ZNF536: variants seen among roughly 807,000 people sequenced by gnomAD.
ZNF536 encodes zinc finger protein 536.
In ZNF536, 13 loss-of-function variants were observed where a neutral mutation model predicts 84.5. The observed-to-expected ratio is 0.15, with a 90% CI of 0.10 to 0.24. The LOEUF (loss-of-function observed/expected upper bound fraction) is 0.24. ZNF536 is among the 10% of genes least tolerant of loss of function. The pLI, the probability that ZNF536 is intolerant of heterozygous loss-of-function variation, is 1.00. For synonymous variants in ZNF536, 811 were observed against 742.5 expected (o/e 1.09, Z -1.50); for missense variants, 1,536 against 1,747.5 (o/e 0.88, Z 2.16).
At chr19:30,438,404 C>T (rs1052791241) in intron 1 of ZNF536, among the ~76,000 whole-genome samples, 5 of 152,228 alleles carry the variant, frequency 3.3e-5, no homozygotes, top group Non-Finnish European at 7.3e-5. Flanking sequence ...AAAACCTCTT[C>T]TGGACATCAG....
intron 2 of ZNF536, among the ~76,000 whole-genome samples, chr19:30,473,416 G>A (rs540826098): frequency 6.7e-4 from 102 of 152,168 alleles, no homozygotes; most frequent in Middle Eastern, 3.4e-3. Flanking sequence ...CAGTTGTAGT[G>A]CAAGTGGCTT....
At chr19:30,427,292 G>A (rs2051256722) in intron 1 of ZNF536, among the ~76,000 whole-genome samples, 1 of 152,208 alleles carries the variant, frequency 6.6e-6, no homozygotes, top group Non-Finnish European at 1.5e-5. Context: ...GGGATGCAGA[G>A]ATGCTTGCCA....
chr19:30,510,922 G>A (rs1264518090), intron 2 of ZNF536, among the ~76,000 whole-genome samples: 3 of 152,210 alleles, frequency 2.0e-5, no homozygotes, highest in Non-Finnish European at 4.4e-5. Flanking sequence ...CTGCTGCCAT[G>A]AGTCTGTTGC....
intron 1 of ZNF536, among the ~76,000 whole-genome samples, chr19:30,616,945 A>G (rs1216906986): frequency 2.6e-5 from 4 of 152,140 alleles, no homozygotes; most frequent in Non-Finnish European, 5.9e-5. Flanking sequence ...CACAAAATTA[A>G]ATATTGTGTT....
chr19:30,429,430 T>C lies in ZNF536; in HGVS notation c.-2-14131T>C, dbSNP rs1600694619. On this transcript the variant is annotated intron_variant, in intron 1 of 4. Transcript: ENST00000355537. ...CTGAGATCAGGGAGAGAGGCAGCAG[T>C]AGAGGTTCAGAATGGAGGCTGTTGT... 3.9e-5 allele frequency among the ~76,000 whole-genome samples: 6 copies of C among 152,204 alleles called. No individual in the cohort carries two copies. In the South Asian group the frequency reaches 1.2e-3, roughly 32 times the overall value.
intron 2 of ZNF536, among the ~76,000 whole-genome samples, chr19:30,303,297 C>T (rs577585126): frequency 1.7e-3 from 263 of 152,168 alleles, no homozygotes; most frequent in Non-Finnish European, 3.5e-3. Context: ...CCAGTTAGCT[C>T]GGTGGCTGGT....
At chr19:30,286,847 T>C (rs2045648916) in intron 2 of ZNF536, among the ~76,000 whole-genome samples, 1 of 152,230 alleles carries the variant, frequency 6.6e-6, no homozygotes, top group Admixed American at 6.5e-5. Flanking sequence ...TATTTGCCCT[T>C]AGATAATTCT....
At chr19:30,286,548 A>AGAGAGAGAGAGAGAG (rs1568305284) in intron 2 of ZNF536, among the ~76,000 whole-genome samples, 2 of 92,582 alleles carry the variant, frequency 2.2e-5, no homozygotes, top group African/African-American at 9.3e-5. Flanking sequence ...GAGAGAGAGA[A>AGAGAGAGAGAGAGAG]AGAGAGAGAC....
intron 1 of ZNF536, among the ~76,000 whole-genome samples, chr19:30,590,937 G>A (rs538784208): frequency 1.3e-5 from 2 of 152,360 alleles, no homozygotes; most frequent in South Asian, 2.1e-4. Context: ...AAGGGCACCT[G>A]CAGAAAGGAG....
chr19:30,290,108 T>C (rs941319435), intron 2 of ZNF536, among the ~76,000 whole-genome samples: 1 of 152,216 alleles, frequency 6.6e-6, no homozygotes, highest in African/African-American at 2.4e-5. Context: ...GTACTTTATA[T>C]AATGGAACCA....
At chr19:30,497,358 A>G (rs1399418176) in intron 2 of ZNF536, among the ~76,000 whole-genome samples, 1 of 152,210 alleles carries the variant, frequency 6.6e-6, no homozygotes, top group African/African-American at 2.4e-5. Flanking sequence ...CTCATGCACA[A>G]TAACCCAGCA....
At chr19:30,571,417 AG>A (rs2146551011) in intron 1 of ZNF536, among the ~76,000 whole-genome samples, 1 of 152,352 alleles carries the variant, frequency 6.6e-6, no homozygotes, top group East Asian at 1.9e-4. Flanking sequence ...CAGGCTAAGT[AG>A]GGGTCAAGAT....
intron 2 of ZNF536, among the ~76,000 whole-genome samples, chr19:30,496,384 C>A (rs945913079): frequency 2.0e-5 from 3 of 152,152 alleles, no homozygotes; most frequent in Admixed American, 6.5e-5. Flanking sequence ...TCTGGGGATG[C>A]CATGGTCCTT....
chr19:30,536,171 G>A (rs571876675), intron 3 of ZNF536, among the ~76,000 whole-genome samples: 20 of 152,144 alleles, frequency 1.3e-4, no homozygotes, highest in Non-Finnish European at 2.9e-4. Context: ...GCCTTGCCCC[G>A]GCCCCATCCT....
intron 1 of ZNF536, among the ~76,000 whole-genome samples, chr19:30,584,078 C>T (rs187224262): frequency 2.6e-4 from 40 of 152,234 alleles, no homozygotes; most frequent in African/African-American, 9.6e-4. Flanking sequence ...TCCAAGCAAC[C>T]CAGTCTCATC....
chr19:30,617,046 G>A (rs2048320874), intron 1 of ZNF536, among the ~76,000 whole-genome samples: 1 of 151,898 alleles, frequency 6.6e-6, no homozygotes, highest in Non-Finnish European at 1.5e-5. Context: ...AAGATACTTG[G>A]TTCCTCGTTT....
intron 2 of ZNF536, among the ~76,000 whole-genome samples, chr19:30,530,027 G>C (rs1420493929): frequency 1.3e-5 from 2 of 152,206 alleles, no homozygotes; most frequent in African/African-American, 4.8e-5. Flanking sequence ...TTAGGCAAGA[G>C]AGGGCCTCCC....
At chr19:30,350,945 G>A (rs750031614) in intron 2 of ZNF536, among the ~76,000 whole-genome samples, 12 of 152,282 alleles carry the variant, frequency 7.9e-5, no homozygotes, top group South Asian at 4.2e-4. Context: ...TGGCTGGAAC[G>A]TGGGGCATTA....
chr19:30,302,447 T>C (rs768412422), intron 2 of ZNF536, among the ~76,000 whole-genome samples: 8 of 152,154 alleles, frequency 5.3e-5, no homozygotes, highest in Non-Finnish European at 1.2e-4. Context: ...GTGACCTGGG[T>C]TGTCACATGC....
Sources: allele counts gnomAD v4.1 joint callset (sites outside exome capture counted in the v4.1 genomes callset), GRCh38; gene constraint gnomAD v4.1.1; transcripts MANE v1.5; gene names NCBI Gene and HGNC (gene_info 2026-07-23, HGNC 2026-07-21).